The following NFATC3 variants were observed in gnomAD, a reference collection of about 807,000 sequenced individuals.
The protein encoded by NFATC3 is nuclear factor of activated T-cells, cytoplasmic 3.
NFATC3 carries 46 observed loss-of-function variants against 98.6 expected under a neutral mutation model. The ratio of observed to expected loss-of-function variants is 0.47; its 90% CI spans 0.37 to 0.60. The LOEUF (loss-of-function observed/expected upper bound fraction) is 0.60. NFATC3 is among the 20% of genes least tolerant of loss of function. The pLI is 0.00. For synonymous variants in NFATC3, 512 were observed against 472.2 expected (o/e 1.08, Z -1.09); for missense variants, 1,256 against 1,295.5 (o/e 0.97, Z 0.47).
At chr16:68,134,726 A>G (rs2037298150) in intron 3 of NFATC3, among the ~76,000 whole-genome samples, 1 of 151,970 alleles carries the variant, frequency 6.6e-6, no homozygotes, top group Non-Finnish European at 1.5e-5. Context: ...GGGATGGGGG[A>G]TACCTTTTAT....
chr16:68,161,299 C>T (rs1412105000), intron 4 of NFATC3, among the ~76,000 whole-genome samples: 4 of 152,100 alleles, frequency 2.6e-5, no homozygotes, highest in Non-Finnish European at 4.4e-5. Context: ...GATCCCTAGA[C>T]GATAGTTTGC....
chr16:68,216,764 C>T (rs188732321), intron 9 of NFATC3, among the ~76,000 whole-genome samples: 1 of 152,200 alleles, frequency 6.6e-6, no homozygotes, highest in Non-Finnish European at 1.5e-5. Context: ...AACGCCTGAC[C>T]TCAAGCGATC....
chr16:68,097,342 T>C (rs1304825712), intron 1 of NFATC3, among the ~76,000 whole-genome samples: 1 of 152,236 alleles, frequency 6.6e-6, no homozygotes, highest in African/African-American at 2.4e-5. Flanking sequence ...GTGCAAAGTA[T>C]AAAGTGCAAT....
intron 1 of NFATC3, among the ~76,000 whole-genome samples, chr16:68,111,576 A>G (rs1459187222): frequency 1.3e-5 from 2 of 152,154 alleles, no homozygotes; most frequent in Non-Finnish European, 2.9e-5. Flanking sequence ...CTTTTTAGCC[A>G]GCTAACCATT....
intron 1 of NFATC3, among the ~76,000 whole-genome samples, chr16:68,116,629 G>C (rs999360982): frequency 3.9e-5 from 6 of 152,144 alleles, no homozygotes; most frequent in Non-Finnish European, 8.8e-5. Context: ...CACAAATTTT[G>C]TGTGCAGGTC....
intron 9 of NFATC3, among the ~76,000 whole-genome samples, chr16:68,203,704 A>T (rs2041023402): frequency 6.6e-6 from 1 of 152,200 alleles, no homozygotes; most frequent in African/African-American, 2.4e-5. Context: ...GGCTACCACT[A>T]AAGCAGCATA....
chr16:68,165,747 T>C (rs2039163135), intron 4 of NFATC3, among the ~76,000 whole-genome samples: 1 of 152,206 alleles, frequency 6.6e-6, no homozygotes, highest in Non-Finnish European at 1.5e-5. Context: ...TCAAAGTGAC[T>C]TCTGCAGCCT....
intron 3 of NFATC3, among the ~76,000 whole-genome samples, chr16:68,129,719 C>G (rs532919344): frequency 5.4e-5 from 8 of 147,606 alleles, no homozygotes; most frequent in Non-Finnish European, 1.0e-4. Context: ...GCTCTGTCAC[C>G]TAGGCTGGAA....
chr16:68,189,401 G>C (rs933672387), intron 8 of NFATC3: 1 of 214,280 alleles, frequency 4.7e-6, no homozygotes, highest in Non-Finnish European at 9.9e-6. Flanking sequence ...CCCATACCTG[G>C]TTTATGCCTT....
chr16:68,165,819 G>A (rs1033666932), intron 4 of NFATC3, among the ~76,000 whole-genome samples: 2 of 152,186 alleles, frequency 1.3e-5, no homozygotes, highest in African/African-American at 4.8e-5. Flanking sequence ...AGATAACAAC[G>A]AATGCCTTGT....
At chr16:68,166,681 C>T (rs2039213813) in intron 4 of NFATC3, among the ~76,000 whole-genome samples, 162 bp from the exon 5 acceptor site, 1 of 152,304 alleles carries the variant, frequency 6.6e-6, no homozygotes, top group Admixed American at 6.5e-5. Context: ...TTTTTAATGC[C>T]TAAACTTCAG....
intron 3 of NFATC3, among the ~76,000 whole-genome samples, chr16:68,127,048 A>G (rs997767269): frequency 3.3e-5 from 5 of 152,198 alleles, no homozygotes; most frequent in Non-Finnish European, 5.9e-5. Flanking sequence ...TCCCGTCTCT[A>G]CTAAAAATAC....
rs1333986859 is a variant in NFATC3 at position 68,181,471 on chromosome 16, A to G, written c.1916-4A>G. On this transcript the variant is annotated splice_polypyrimidine_tract_variant and splice_region_variant and intron_variant, in intron 6 of 9. Coordinates refer to ENST00000346183, the MANE Select transcript of NFATC3 (RefSeq NM_173165.3). Reference sequence around the variant, plus strand: ...TTTTAACTATAAACTCTTTCTTTCAATAGATGGACGACCTCAGTGGGAGGT... The same window carrying G: ...TTTTAACTATAAACTCTTTCTTTCAGTAGATGGACGACCTCAGTGGGAGGT... 2 of 1,610,156 alleles carry G rather than the reference A, an allele frequency of 1.2e-6. No individual in the cohort carries two copies. Among genetic ancestry groups the G allele is most frequent in the African/African-American group, 2.7e-5 (2 of 74,904 alleles).
chr16:68,166,519 A>C (rs1446371669), intron 4 of NFATC3, among the ~76,000 whole-genome samples: 2 of 152,188 alleles, frequency 1.3e-5, no homozygotes, highest in Non-Finnish European at 2.9e-5. Context: ...TCCATTTGTC[A>C]AAGCAAGTCA....
At chr16:68,103,828 C>G (rs2035497479) in intron 1 of NFATC3, among the ~76,000 whole-genome samples, 1 of 152,130 alleles carries the variant, frequency 6.6e-6, no homozygotes. Flanking sequence ...AGTCTTAGCA[C>G]CCTTGTAAAA....
At chr16:68,158,144 A>G in intron 4 of NFATC3, 76 bp downstream of exon 4, 1 of 858,960 alleles carries the variant, frequency 1.2e-6, no homozygotes. Context: ...TATATTTTTG[A>G]ATATAAATAT....
intron 9 of NFATC3, among the ~76,000 whole-genome samples, chr16:68,202,781 C>T (rs2040981628): frequency 1.3e-5 from 2 of 151,880 alleles, no homozygotes; most frequent in Non-Finnish European, 2.9e-5. Context: ...CATTGCACTC[C>T]AGCCTGGGCA....
chr16:68,114,147 G>A (rs912142566), intron 1 of NFATC3, among the ~76,000 whole-genome samples: 5 of 152,182 alleles, frequency 3.3e-5, no homozygotes, highest in African/African-American at 7.2e-5. Flanking sequence ...GGTTTCCCGC[G>A]CAGGGTAGCA....
At position 68,085,412 on chromosome 16, in the gene NFATC3, G is replaced by GT. The variant is rs1425048962; in HGVS notation, c.-270_-269insT. On this transcript the variant is annotated 5_prime_UTR_variant, in exon 1 of 10. Coordinates refer to ENST00000346183, the MANE Select transcript of NFATC3 (RefSeq NM_173165.3). Reference sequence around the variant, plus strand: ...CCGCGGCGGCGGTGGCGGCGACTGTGGGGGGGCGGCGGGGAACATTGGCTA... The same window carrying GT: ...CCGCGGCGGCGGTGGCGGCGACTGTGTGGGGGGCGGCGGGGAACATTGGCTA... 8.1e-6 allele frequency: 2 copies of GT among 246,454 alleles called. No homozygotes were observed. Among genetic ancestry groups the GT allele is most frequent in the African/African-American group, 3.1e-5 (1 of 31,938 alleles). 15.3% of individuals were successfully genotyped at this position (246,454 alleles called of 1,614,324 possible).
Sources: allele counts gnomAD v4.1 joint callset (sites outside exome capture counted in the v4.1 genomes callset), GRCh38; gene constraint gnomAD v4.1.1; transcripts MANE v1.5; gene names NCBI Gene and HGNC (gene_info 2026-07-23, HGNC 2026-07-21).